The following SLC36A1 variants were observed in gnomAD, a reference collection of about 807,000 sequenced individuals.
SLC36A1 encodes the protein solute carrier family 36 member 1.
Under a neutral mutation model 47.5 loss-of-function variants are expected in SLC36A1, and 30 were observed. That is an observed-to-expected ratio of 0.63 (90% CI 0.47 to 0.86). The LOEUF (loss-of-function observed/expected upper bound fraction) is 0.86, where lower values mean the gene tolerates loss of function less well. SLC36A1 is among the 40% of genes least tolerant of loss of function. SLC36A1 has a pLI of 0.00. For synonymous variants in SLC36A1, 255 were observed against 249.7 expected, an observed-to-expected ratio of 1.02 and a Z score of -0.20; for missense variants, 517 against 606.0, an observed-to-expected ratio of 0.85 and a Z score of 1.54.
chr5:151,478,010 TG>T (rs1581193927), intron 9 of SLC36A1, among the ~76,000 whole-genome samples: 1 of 152,216 alleles, frequency 6.6e-6, no homozygotes, highest in East Asian at 1.9e-4. Context: ...CCAGAGGCTT[TG>T]GGGCTGCTTT....
At chr5:151,401,093 A>G in the SLC36A1 span, among the ~76,000 whole-genome samples, 1 of 152,086 alleles carries the variant, frequency 6.6e-6, no homozygotes, top group Non-Finnish European at 1.5e-5. Flanking sequence ...ATTCTTTGTC[A>G]AGGCCAATGC....
At chr5:151,367,361 A>ATATTTTTTTTTTTTTT in the SLC36A1 span, among the ~76,000 whole-genome samples, 1 of 118,846 alleles carries the variant, frequency 8.4e-6, no homozygotes, top group African/African-American at 3.4e-5. Context: ...CCAGGAATGC[A>ATATTTTTTTTTTTTTT]TTTTTTTTTT....
At position 151,489,064 on chromosome 5, in the gene SLC36A1, C is replaced by T. The variant is rs980631785; in HGVS notation, c.*810C>T. 5 of 152,146 alleles carry T rather than the reference C, an allele frequency of 3.3e-5. No homozygotes were observed. Among genetic ancestry groups the T allele is most frequent in the Non-Finnish European group, 5.9e-5 (4 of 68,034 alleles). The allele number at this position is 152,146 out of a possible 1,614,324, so 9.4% of individuals were successfully genotyped here. A position where few individuals can be genotyped will look rare whatever the true frequency, so the allele number is the denominator to read the frequency against. On this transcript the variant is annotated 3_prime_UTR_variant, in exon 11 of 11. Transcript: ENST00000243389. The surrounding 1 kb of genome is among the most constrained non-coding windows in gnomAD (Gnocchi z 4.5). ...CAACTTCTCCTGCTGAAAAGAAGCT[C>T]GCTCCAGATGTCTGCATGGGTCCTC...
At chr5:151,391,311 T>C in the SLC36A1 span, among the ~76,000 whole-genome samples, 1 of 152,182 alleles carries the variant, frequency 6.6e-6, no homozygotes, top group Non-Finnish European at 1.5e-5. Flanking sequence ...GCTGAGATGA[T>C]GGGGTTTTCT....
At chr5:151,522,143 G>T in the SLC36A1 span, 1 of 1,372,962 alleles carries the variant, frequency 7.3e-7, no homozygotes, top group South Asian at 1.4e-5. Flanking sequence ...TCTTGCGCCC[G>T]ACTGAGGCTG....
At chr5:151,393,180 C>T in the SLC36A1 span, among the ~76,000 whole-genome samples, 10 of 151,662 alleles carry the variant, frequency 6.6e-5, no homozygotes, top group Non-Finnish European at 1.2e-4. Context: ...CTCTTTTGAT[C>T]TTTGTTGGTT....
At chr5:151,417,589 A>G in the SLC36A1 span, among the ~76,000 whole-genome samples, 4 of 152,192 alleles carry the variant, frequency 2.6e-5, no homozygotes, top group African/African-American at 9.6e-5. Flanking sequence ...GGTGGAAGAA[A>G]TTTCTAACAG....
chr5:151,471,025 C>T (rs1317246799), intron 7 of SLC36A1: 1 of 152,236 alleles, frequency 6.6e-6, no homozygotes, highest in Non-Finnish European at 1.5e-5. Context: ...GAGTACATCT[C>T]ACAATCCATG....
the SLC36A1 span, among the ~76,000 whole-genome samples, chr5:151,407,554 G>A: frequency 2.7e-4 from 40 of 149,902 alleles, no homozygotes; most frequent in South Asian, 1.3e-3. Flanking sequence ...GACACAGAGC[G>A]CTGATTGGTA....
chr5:151,518,334 GA>G, the SLC36A1 span, among the ~76,000 whole-genome samples: 1 of 134,034 alleles, frequency 7.5e-6, no homozygotes, highest in East Asian at 2.2e-4. Flanking sequence ...GGGTGACAGA[GA>G]GAGACCATGT....
the SLC36A1 span, among the ~76,000 whole-genome samples, chr5:151,532,775 G>GCT: frequency 4.6e-5 from 7 of 152,278 alleles, no homozygotes; most frequent in Non-Finnish European, 1.0e-4. Flanking sequence ...AACATTTAAG[G>GCT]CTCGGCTGTG....
chr5:151,457,152 A>G (rs887291469), intron 1 of SLC36A1, among the ~76,000 whole-genome samples: 1 of 152,040 alleles, frequency 6.6e-6, no homozygotes, highest in Non-Finnish European at 1.5e-5. Flanking sequence ...CTGTGCTGTA[A>G]TACTCTCTCA....
chr5:151,533,393 A>AACACACACACACAC, the SLC36A1 span, among the ~76,000 whole-genome samples: 2 of 132,114 alleles, frequency 1.5e-5, no homozygotes, highest in African/African-American at 5.5e-5. Context: ...TGTTATCTCC[A>AACACACACACACAC]ACACACACAC....
chr5:151,504,348 G>C, the SLC36A1 span: 1 of 152,680 alleles, frequency 6.5e-6, no homozygotes, highest in Non-Finnish European at 1.5e-5. Flanking sequence ...GGAGGGAGTG[G>C]TGAGGTCACC....
chr5:151,398,676 T>C, the SLC36A1 span, among the ~76,000 whole-genome samples: 2 of 152,218 alleles, frequency 1.3e-5, no homozygotes, highest in African/African-American at 4.8e-5. Flanking sequence ...TTCAGTCTTG[T>C]TAAAAGAGAA....
the SLC36A1 span, chr5:151,347,432 G>A: frequency 6.2e-7 from 1 of 1,614,142 alleles, no homozygotes; most frequent in Non-Finnish European, 8.5e-7. Flanking sequence ...GGCTCCCTGG[G>A]GACCCTCAGT....
At chr5:151,526,069 A>G in the SLC36A1 span, 2 of 1,095,636 alleles carry the variant, frequency 1.8e-6, no homozygotes, top group Non-Finnish European at 2.7e-6. Flanking sequence ...CAGCACTCTG[A>G]CTGCTTGTAG....
At chr5:151,521,834 T>C in the SLC36A1 span, 4 of 1,614,050 alleles carry the variant, frequency 2.5e-6, no homozygotes, top group Non-Finnish European at 3.4e-6. Context: ...GCGGCGATAA[T>C]CTTGCCATCA....
At chr5:151,520,385 G>A in the SLC36A1 span, among the ~76,000 whole-genome samples, 1 of 152,210 alleles carries the variant, frequency 6.6e-6, no homozygotes. Context: ...GCCTTCATTG[G>A]AAGCTGTACA....
Sources: allele counts gnomAD v4.1 joint callset (sites outside exome capture counted in the v4.1 genomes callset), GRCh38; gene constraint gnomAD v4.1.1; non-coding constraint Gnocchi (gnomAD v3.1); transcripts MANE v1.5; gene names NCBI Gene and HGNC (gene_info 2026-07-23, HGNC 2026-07-21).